The following UNC13C variants were observed in gnomAD, a reference collection of about 807,000 sequenced individuals.
The protein encoded by UNC13C is protein unc-13 homolog C.
A neutral mutation model predicts 245.4 loss-of-function variants in UNC13C; 174 were observed. The ratio of observed to expected loss-of-function variants is 0.71; its 90% CI spans 0.63 to 0.80. The LOEUF (loss-of-function observed/expected upper bound fraction) is 0.80, where lower values mean the gene tolerates loss of function less well. UNC13C is among the 30% of genes least tolerant of loss of function. The pLI, the probability that UNC13C is intolerant of heterozygous loss-of-function variation, is 0.00. For missense variants in UNC13C, 2,829 were observed against 2,602.9 expected (o/e 1.09, Z -1.89); for synonymous variants, 992 against 895.1 (o/e 1.11, Z -1.93).
At chr15:53,932,826 A>C in the UNC13C span, among the ~76,000 whole-genome samples, 1 of 152,152 alleles carries the variant, frequency 6.6e-6, no homozygotes, top group African/African-American at 2.4e-5. Context: ...TCTTTTCAGA[A>C]CTTTAAAACC....
the UNC13C span, chr15:53,947,599 G>T: frequency 6.6e-6 from 1 of 152,124 alleles, no homozygotes; most frequent in Admixed American, 6.6e-5. Context: ...GGTGATGTTT[G>T]TTCACATCTT....
chr15:54,043,127 T>G (rs1896884190), intron 2 of UNC13C, among the ~76,000 whole-genome samples: 1 of 152,178 alleles, frequency 6.6e-6, no homozygotes, highest in African/African-American at 2.4e-5. Flanking sequence ...TGGATGGGTT[T>G]TGAAATCATA....
intron 30 of UNC13C, among the ~76,000 whole-genome samples, chr15:54,573,434 G>T (rs763048138): frequency 6.6e-6 from 1 of 152,144 alleles, no homozygotes; most frequent in Admixed American, 6.5e-5. Context: ...AATCCAAAAT[G>T]GATGTAGAAG....
intron 17 of UNC13C, among the ~76,000 whole-genome samples, chr15:54,359,686 T>A (rs1221035560): frequency 6.6e-6 from 1 of 151,970 alleles, no homozygotes; most frequent in East Asian, 1.9e-4. Flanking sequence ...TTCTGTGGCA[T>A]CTGTTATGAT....
intron 30 of UNC13C, among the ~76,000 whole-genome samples, chr15:54,614,622 T>C (rs907045498): frequency 2.6e-5 from 4 of 151,974 alleles, no homozygotes; most frequent in African/African-American, 9.7e-5. Context: ...AAAAACTGGC[T>C]GGATTAAAAT....
At chr15:54,525,772 TG>T in intron 25 of UNC13C, 135 bp downstream of exon 25, 1 of 726,546 alleles carries the variant, frequency 1.4e-6, no homozygotes, top group South Asian at 1.8e-5. Context: ...TCATTTTCTC[TG>T]AAACATCTGT....
the UNC13C span, among the ~76,000 whole-genome samples, chr15:53,956,790 A>C: frequency 6.6e-6 from 1 of 151,514 alleles, no homozygotes; most frequent in African/African-American, 2.4e-5. Flanking sequence ...AACGGAGAGA[A>C]GGATTATCAG....
At chr15:54,291,219 C>T (rs2140932548) in intron 10 of UNC13C, among the ~76,000 whole-genome samples, 1 of 152,052 alleles carries the variant, frequency 6.6e-6, no homozygotes, top group Admixed American at 6.6e-5. Context: ...CTTGGGAATT[C>T]TGAGTCAATG....
intron 4 of UNC13C, among the ~76,000 whole-genome samples, chr15:54,181,184 A>G (rs2033785363): frequency 6.6e-6 from 1 of 152,002 alleles, no homozygotes; most frequent in African/African-American, 2.4e-5. Context: ...GTATATGGTA[A>G]AAGGTAGGGA....
At chr15:54,223,981 G>A (rs1271761533) in intron 4 of UNC13C, among the ~76,000 whole-genome samples, 1 of 152,000 alleles carries the variant, frequency 6.6e-6, no homozygotes, top group Non-Finnish European at 1.5e-5. Context: ...TTTGTATGTT[G>A]ATTTTGTATC....
intron 13 of UNC13C, among the ~76,000 whole-genome samples, chr15:54,314,154 C>T (rs757670716): frequency 1.4e-4 from 21 of 150,858 alleles, no homozygotes; most frequent in Admixed American, 3.3e-4. Flanking sequence ...GGAAAGGAGG[C>T]GGATTGTGGA....
chr15:54,158,808 C>A (rs1207476879), intron 4 of UNC13C, among the ~76,000 whole-genome samples: 1 of 151,868 alleles, frequency 6.6e-6, no homozygotes, highest in Non-Finnish European at 1.5e-5. Context: ...TGCTACCACA[C>A]CCAGCTAATT....
At position 54,162,601 on chromosome 15, in the gene UNC13C, C is replaced by T. The variant is rs116037942; in HGVS notation, c.3071+18917C>T. Among the ~76,000 whole-genome samples the T allele has an allele frequency of 4.6e-3, 700 of 152,228 alleles. 1 individual carries two copies. Among genetic ancestry groups the T allele is most frequent in the African/African-American group, 0.016 (670 of 41,522 alleles). On this transcript the variant is annotated intron_variant, in intron 4 of 32. Coordinates refer to ENST00000260323, the MANE Select transcript of UNC13C (RefSeq NM_001080534.3). ...TTACATTAATTTAGCCTATTATGTCCTCTATCCATTGAGACCAGCTCCAGG... is the reference window on the plus strand; with the variant it reads ...TTACATTAATTTAGCCTATTATGTCTTCTATCCATTGAGACCAGCTCCAGG...
intron 30 of UNC13C, among the ~76,000 whole-genome samples, chr15:54,616,888 A>G (rs1566941901): frequency 1.3e-5 from 2 of 152,042 alleles, no homozygotes; most frequent in Admixed American, 6.6e-5. Flanking sequence ...TAAGGGCCCA[A>G]TATAGGTGTC....
intron 4 of UNC13C, among the ~76,000 whole-genome samples, chr15:54,175,279 C>T (rs1252082531): frequency 6.6e-6 from 1 of 152,074 alleles, no homozygotes; most frequent in Admixed American, 6.6e-5. Flanking sequence ...ATGTTTGATA[C>T]TTTAAACCCT....
intron 10 of UNC13C, among the ~76,000 whole-genome samples, chr15:54,274,153 G>A (rs1331717163): frequency 2.0e-5 from 3 of 152,090 alleles, no homozygotes; most frequent in African/African-American, 7.2e-5. Flanking sequence ...GGGAGGTAGG[G>A]GAGAAGTGGT....
At chr15:54,189,925 G>C (rs975190728) in intron 4 of UNC13C, among the ~76,000 whole-genome samples, 2 of 151,846 alleles carry the variant, frequency 1.3e-5, no homozygotes, top group Non-Finnish European at 2.9e-5. Context: ...AGGTAATTCA[G>C]GAAAAAACTT....
intron 13 of UNC13C, among the ~76,000 whole-genome samples, chr15:54,319,952 A>C (rs2038106782): frequency 6.6e-6 from 1 of 152,012 alleles, no homozygotes; most frequent in Admixed American, 6.6e-5. Flanking sequence ...CCATTATTCA[A>C]GGTTTAAAAG....
intron 4 of UNC13C, among the ~76,000 whole-genome samples, chr15:54,191,669 C>T (rs941709574): frequency 6.6e-6 from 1 of 152,170 alleles, no homozygotes; most frequent in Non-Finnish European, 1.5e-5. Flanking sequence ...CTCCCACCAA[C>T]AGTGTAAAAG....
Sources: allele counts gnomAD v4.1 joint callset (sites outside exome capture counted in the v4.1 genomes callset), GRCh38; gene constraint gnomAD v4.1.1; transcripts MANE v1.5; gene names NCBI Gene and HGNC (gene_info 2026-07-23, HGNC 2026-07-21).